Variants in DENND4A observed in about 807,000 individuals in gnomAD.
The protein encoded by DENND4A is C-myc promoter-binding protein.
A neutral mutation model predicts 199.3 loss-of-function variants in DENND4A; 70 were observed. The observed-to-expected ratio is 0.35, with a 90% CI of 0.29 to 0.43. The LOEUF (loss-of-function observed/expected upper bound fraction) is 0.43. Among genes scored for constraint, DENND4A ranks in the 20% least tolerant of loss-of-function variants. The pLI is 1.00. For missense variants in DENND4A, 1,723 were observed against 2,255.8 expected (o/e 0.76, Z 4.78); for synonymous variants, 686 against 766.9 (o/e 0.89, Z 1.74).
At chr15:65,745,857 G>A (rs1044178063) in intron 4 of DENND4A, among the ~76,000 whole-genome samples, 2 of 152,116 alleles carry the variant, frequency 1.3e-5, no homozygotes, top group South Asian at 4.1e-4. Context: ...AGCGGGGCCA[G>A]GCATGGTGGC....
intron 22 of DENND4A, among the ~76,000 whole-genome samples, chr15:65,694,144 T>C (rs1164047674): frequency 6.6e-6 from 1 of 152,154 alleles, no homozygotes; most frequent in African/African-American, 2.4e-5. Context: ...TATCAAAACA[T>C]TAAATTCTCA....
At chr15:65,768,521 A>G (rs995518575) in intron 1 of DENND4A, among the ~76,000 whole-genome samples, 2 of 152,162 alleles carry the variant, frequency 1.3e-5, no homozygotes, top group Admixed American at 6.5e-5. Flanking sequence ...ACAGTAGATT[A>G]GTTTTTTTCT....
At chr15:65,778,152 GAGTA>G (rs1264675554) in intron 1 of DENND4A, among the ~76,000 whole-genome samples, 1 of 152,128 alleles carries the variant, frequency 6.6e-6, no homozygotes, top group East Asian at 1.9e-4. Context: ...GTGTAGTTAT[GAGTA>G]AGTATGAATA....
At position 65,665,326 on chromosome 15, in the gene DENND4A, A is replaced by T. The variant is rs1460555574; in HGVS notation, c.5359+19T>A. ...TTACTCTCATATGAACAAAGTCAGCATTCTATGATGGCACTTACTGTGTGC... is the reference window on the plus strand; with the variant it reads ...TTACTCTCATATGAACAAAGTCAGCTTTCTATGATGGCACTTACTGTGTGC... On this transcript the variant is annotated intron_variant, in intron 30 of 32. Coordinates refer to ENST00000443035, the MANE Select transcript of DENND4A (RefSeq NM_001320835.1). 1 of 1,595,258 alleles carries T rather than the reference A, an allele frequency of 6.3e-7. No individual in the cohort carries two copies. The highest frequency in any genetic ancestry group is 2.2e-5 in the East Asian group (1 of 44,690).
intron 25 of DENND4A, 25 bp downstream of exon 25, chr15:65,671,767 G>A: frequency 3.6e-6 from 5 of 1,397,746 alleles, no homozygotes; most frequent in Non-Finnish European, 5.1e-6. Flanking sequence ...AGTATATGAA[G>A]ATTCTCTTTT....
At chr15:65,744,622 A>G (rs1379893337) in intron 4 of DENND4A, among the ~76,000 whole-genome samples, 1 of 152,050 alleles carries the variant, frequency 6.6e-6, no homozygotes, top group Non-Finnish European at 1.5e-5. Flanking sequence ...CATTTGGTGT[A>G]TTATATATTT....
intron 23 of DENND4A, among the ~76,000 whole-genome samples, 167 bp downstream of exon 23, chr15:65,690,231 TAAGTTTTCTTTTCTTTG>T (rs1226038506): frequency 1.3e-5 from 2 of 152,218 alleles, no homozygotes; most frequent in South Asian, 4.1e-4. Flanking sequence ...ATAACCTTAG[TAAGTTTTCTTTTCTTTG>T]AAGTTATTAT....
intron 11 of DENND4A, among the ~76,000 whole-genome samples, chr15:65,723,979 TG>T (rs537294878): frequency 6.6e-6 from 1 of 152,018 alleles, no homozygotes; most frequent in African/African-American, 2.4e-5. Flanking sequence ...AAACCATACA[TG>T]GGGTAGGAGT....
At position 65,668,038 on chromosome 15, in the gene DENND4A, T is replaced by C. The variant is rs757151542; in HGVS notation, c.4873A>G (p.Ile1625Val). 6 of 1,612,514 alleles carry C rather than the reference T, an allele frequency of 3.7e-6. No individual in the cohort carries two copies. The highest frequency in any genetic ancestry group is 3.4e-5 in the Admixed American group (2 of 59,556). Reference protein sequence around the residue: ...RSKTAMSKCPIFPMARSISTS... With the variant: ...RSKTAMSKCPVFPMARSISTS... ...CTAATACTCCTGGCCATTGGAAATA[T>C]TGGACATTTAGACATAGCTGTTTTT... Residue 1625 changes from isoleucine to valine, a missense_variant, in exon 28 of 33, where the codon ATA becomes GTA. Coordinates refer to ENST00000443035, the MANE Select transcript of DENND4A (RefSeq NM_001320835.1).
At position 65,695,263 on chromosome 15, in the gene DENND4A, T is replaced by A. The variant is rs553350432; in HGVS notation, c.3082+1103A>T. Reference sequence around the variant, plus strand: ...GTCTTTGCAGGCCATGTGGTCTCTGTCACAGCTACTCAACTCTGCTGTTGC... The same window carrying A: ...GTCTTTGCAGGCCATGTGGTCTCTGACACAGCTACTCAACTCTGCTGTTGC... On this transcript the variant is annotated intron_variant, in intron 22 of 32. Transcript: ENST00000443035. Among the ~76,000 whole-genome samples, 13 of 152,324 alleles carry A rather than the reference T, an allele frequency of 8.5e-5. 1 individual carries two copies. The South Asian group carries it at 2.7e-3, about 32-fold the overall frequency.
At chr15:65,676,972 T>A (rs867966971) in intron 23 of DENND4A, among the ~76,000 whole-genome samples, 22 of 152,344 alleles carry the variant, frequency 1.4e-4, no homozygotes, top group Admixed American at 2.6e-4. Context: ...TACGTTTTAT[T>A]CTTTTCCACA....
chr15:65,787,026 A>C (rs1239957331), intron 1 of DENND4A, among the ~76,000 whole-genome samples: 2 of 152,188 alleles, frequency 1.3e-5, no homozygotes, highest in African/African-American at 4.8e-5. Context: ...CTATGATATA[A>C]ATAGTTATTT....
chr15:65,731,536 T>C (rs772948958), intron 9 of DENND4A, 106 bp downstream of exon 9: 109 of 868,452 alleles, frequency 1.3e-4, no homozygotes, highest in Non-Finnish European at 1.9e-4. Context: ...AGTAGTTAAA[T>C]GAGAAGTATT....
At chr15:65,698,504 A>G (rs558190174) in intron 20 of DENND4A, among the ~76,000 whole-genome samples, 6 of 152,178 alleles carry the variant, frequency 3.9e-5, no homozygotes, top group African/African-American at 1.4e-4. Flanking sequence ...ACTATATGAG[A>G]CTATATATGA....
At chr15:65,760,546 G>A (rs912025519) in intron 2 of DENND4A, among the ~76,000 whole-genome samples, 1 of 151,648 alleles carries the variant, frequency 6.6e-6, no homozygotes, top group African/African-American at 2.4e-5. Flanking sequence ...GCAAACTAAA[G>A]CAGATAGTCA....
chr15:65,683,091 G>C (rs1358327713), intron 23 of DENND4A, among the ~76,000 whole-genome samples: 1 of 152,150 alleles, frequency 6.6e-6, no homozygotes, highest in Non-Finnish European at 1.5e-5. Context: ...CACGCTGTTG[G>C]AAAATGATAC....
intron 15 of DENND4A, 172 bp downstream of exon 15, chr15:65,705,919 C>A (rs1459872413): frequency 4.0e-5 from 34 of 851,532 alleles, no homozygotes; most frequent in Admixed American, 6.2e-5. Flanking sequence ...TATATGTTTT[C>A]TTTTTATACC....
intron 14 of DENND4A, among the ~76,000 whole-genome samples, chr15:65,709,719 A>AAAAAATAT (rs1218030026): frequency 1.9e-5 from 1 of 51,474 alleles, no homozygotes; most frequent in African/African-American, 1.0e-4. Flanking sequence ...AAAAAAAAAA[A>AAAAAATAT]ATATATATAT....
At chr15:65,775,104 C>A (rs903457035) in intron 1 of DENND4A, among the ~76,000 whole-genome samples, 1 of 152,038 alleles carries the variant, frequency 6.6e-6, no homozygotes, top group Admixed American at 6.6e-5. Context: ...AAGGTCCAGG[C>A]TTATACAGGA....
Sources: gnomAD v4.1 joint callset for allele counts (sites outside exome capture counted in the v4.1 genomes callset) on GRCh38, gnomAD v4.1.1 for gene constraint, MANE v1.5 for transcripts, NCBI Gene and HGNC (gene_info 2026-07-23, HGNC 2026-07-21) for gene names.